The following AGRP variants were observed in gnomAD, a reference collection of about 807,000 sequenced individuals.
AGRP encodes agouti-related protein.
In AGRP, 8 loss-of-function variants were observed where a neutral mutation model predicts 13.6. The ratio of observed to expected loss-of-function variants is 0.59; its 90% CI spans 0.35 to 1.06. AGRP has a LOEUF of 1.06. AGRP is among the 50% of genes least tolerant of loss of function. AGRP has a pLI of 0.02. For missense variants in AGRP, 155 were observed against 174.8 expected, an observed-to-expected ratio of 0.89 and a Z score of 0.64; for synonymous variants, 63 against 72.4, an observed-to-expected ratio of 0.87 and a Z score of 0.66.
chr16:67,483,036 C>T lies in AGRP; in HGVS notation c.205G>A (p.Ala69Thr), dbSNP rs766389170. ...CCCTGAGCAGTTACCTCTGCCAAGG[C>T]CTGAGCCTCCTGCAACAGATCCTCT... ...AEEDLLQEAQ[A>T]LAEVLDLQDR... is the part of the protein sequence containing the mutation. The change falls in exon 3 of 4, where the codon GCC becomes ACC. Residue 69 changes from alanine to threonine, a missense_variant. Coordinates refer to ENST00000290953, the MANE Select transcript of AGRP (RefSeq NM_001138.2). 9 of 1,614,198 alleles carry T rather than the reference C, an allele frequency of 5.6e-6. No homozygotes were observed. The highest frequency in any genetic ancestry group is 7.6e-6 in the Non-Finnish European group (9 of 1,180,016).
At chr16:67,482,940 A>T in intron 3 of AGRP, 85 bp downstream of exon 3, 2 of 1,566,980 alleles carry the variant, frequency 1.3e-6, no homozygotes, top group South Asian at 2.2e-5. Context: ...GTCGCTGGTG[A>T]GGGAGTTTGG....
In AGRP at chr16:67,483,294, G is replaced by A; in HGVS notation, c.105C>T (p.Asp35=). 3.1e-6 allele frequency: 5 copies of A among 1,588,832 alleles called. No individual in the cohort carries two copies. The highest frequency in any genetic ancestry group is 4.3e-6 in the Non-Finnish European group (5 of 1,168,668). The part of the protein sequence containing the change: ...LAPMEGIRRP[D]QALLPELPGL... ...CTGGGAGCTCTGGGAGCAGGGCCTG[G>A]TCAGGCCTTCTGATGCCCTCCATGG... is the stretch of plus-strand genomic sequence containing the variant. The change falls in exon 2 of 4, where the codon GAC becomes GAT. Residue 35 remains aspartate, a synonymous_variant. Coordinates refer to ENST00000290953, the MANE Select transcript of AGRP (RefSeq NM_001138.2).
intron 3 of AGRP, 87 bp from the exon 4 acceptor site, chr16:67,482,905 A>G: frequency 6.3e-7 from 1 of 1,579,212 alleles, no homozygotes; most frequent in East Asian, 2.2e-5. Context: ...GCAGTGGAGC[A>G]TGGGAAGGGG....
rs36120466 is a variant in AGRP at position 67,483,141 on chromosome 16, C to G, written c.131-31G>C. The G allele has an allele frequency of 5.2e-3, 8,312 of 1,612,724 alleles. 409 individuals carry two copies. In the African/African-American group the frequency reaches 0.1, roughly 19 times the overall value. ...GCAGAGGATGTGAGGGCAGGAACCC[C>G]CATGCACAAAGCACCCACCTCCCAG... On this transcript the variant is annotated intron_variant, in intron 2 of 3. Coordinates refer to ENST00000290953, the MANE Select transcript of AGRP (RefSeq NM_001138.2).
In AGRP at chr16:67,482,727, T is replaced by TA; in HGVS notation, c.307_308insT (p.Asp103ValfsTer40). 1 of 1,614,066 alleles carries TA rather than the reference T, an allele frequency of 6.2e-7. No individual in the cohort carries two copies. Reference sequence around the variant, plus strand: ...GCGGCAGTAGCACGTGGCACATGGGTCACAGCAAGGCACCTGCTGTCCCAG... The same window carrying TA: ...GCGGCAGTAGCACGTGGCACATGGGTACACAGCAAGGCACCTGCTGTCCCAG... On this transcript the variant is annotated frameshift_variant, in exon 4 of 4. Transcript: ENST00000290953. LOFTEE classifies it high-confidence loss of function.
In AGRP at chr16:67,482,828, T is replaced by G. The variant is rs1597589913; in HGVS notation, c.217-10A>C. ...CCTGCAGGTCTAGTACCTGCAGGGG[T>G]GGGGAACCAGCACAGGCCTCTAAAG... On this transcript the variant is annotated splice_polypyrimidine_tract_variant and intron_variant, in intron 3 of 3. Coordinates refer to ENST00000290953, the MANE Select transcript of AGRP (RefSeq NM_001138.2). The G allele has an allele frequency of 1.2e-6, 2 of 1,613,196 alleles. No homozygotes were observed. The highest frequency in any genetic ancestry group is 1.7e-6 in the Non-Finnish European group (2 of 1,179,736).
intron 3 of AGRP, 80 bp from the exon 4 acceptor site, chr16:67,482,898 G>T: frequency 6.3e-7 from 1 of 1,582,460 alleles, no homozygotes; most frequent in Non-Finnish European, 8.7e-7. Context: ...CAGGATGGCA[G>T]TGGAGCATGG....
rs756846323 is a variant in AGRP, at chr16:67,483,293, G to T, written c.106C>A (p.Gln36Lys). 6.3e-7 allele frequency: 1 copy of T among 1,588,614 alleles called. No homozygotes were observed. The highest frequency in any genetic ancestry group is 1.1e-5 in the South Asian group (1 of 87,148). ...CCTGGGAGCTCTGGGAGCAGGGCCT[G>T]GTCAGGCCTTCTGATGCCCTCCATG... ...APMEGIRRPD[Q>K]ALLPELPGLG... The change falls in exon 2 of 4, where the codon CAG becomes AAG. Residue 36 changes from glutamine to lysine, a missense_variant. By Grantham distance (53) the Gln-to-Lys change is moderately conservative. Transcript: ENST00000290953.
intron 1 of AGRP, 37 bp from the exon 2 acceptor site, chr16:67,483,438 T>C: frequency 6.8e-7 from 1 of 1,479,014 alleles, no homozygotes. Context: ...TAGTCCCTCC[T>C]TATCCTTGGA....
At position 67,483,297 on chromosome 16, in the gene AGRP, A is replaced by G; in HGVS notation, c.102T>C (p.Pro34=). ...GGAGCTCTGGGAGCAGGGCCTGGTC[A>G]GGCCTTCTGATGCCCTCCATGGGGG... is the stretch of plus-strand genomic sequence containing the variant. The part of the protein sequence containing the change: ...GLAPMEGIRR[P]DQALLPELPG... Residue 34 remains proline (P), a synonymous_variant, in exon 2 of 4, where the codon CCT becomes CCC. Transcript: ENST00000290953. The G allele has an allele frequency of 6.3e-7, 1 of 1,588,052 alleles. No individual in the cohort carries two copies. The highest frequency in any genetic ancestry group is 2.2e-5 in the East Asian group (1 of 44,604).
In AGRP at chr16:67,483,281, G is replaced by C. The variant is rs1055897200; in HGVS notation, c.118C>G (p.Pro40Ala). ...TGCTCACACTGACCTGGGAGCTCTG[G>C]GAGCAGGGCCTGGTCAGGCCTTCTG... ...GIRRPDQALL[P>A]ELPGLGLRAP... is the part of the protein sequence containing the mutation. Residue 40 changes from proline (P) to alanine (A), a missense_variant, in exon 2 of 4, where the codon CCA (proline) becomes GCA (alanine). Physicochemically the swap from Pro to Ala is conservative, Grantham distance 27. Coordinates refer to ENST00000290953, the MANE Select transcript of AGRP (RefSeq NM_001138.2). The C allele has an allele frequency of 7.6e-6, 12 of 1,587,568 alleles. No homozygotes were observed. In the African/African-American group the frequency reaches 1.5e-4, roughly 20 times the overall value.
chr16:67,483,084 T>G lies in AGRP; in HGVS notation c.157A>C (p.Lys53Gln). 1 of 1,614,132 alleles carries G rather than the reference T, an allele frequency of 6.2e-7. No individual in the cohort carries two copies. Among genetic ancestry groups the G allele is most frequent in the Admixed American group, 1.7e-5 (1 of 60,028 alleles). Residue 53 changes from lysine (K) to glutamine (Q), a missense_variant, in exon 3 of 4, where the codon AAG becomes CAG. Coordinates refer to ENST00000290953, the MANE Select transcript of AGRP (RefSeq NM_001138.2). Reference sequence around the variant, plus strand: ...TCTTCTGCCTGTTCTGCAGTTGTCTTCTTCAGTGGGGCCCGCAGGCCCAGG... The same window carrying G: ...TCTTCTGCCTGTTCTGCAGTTGTCTGCTTCAGTGGGGCCCGCAGGCCCAGG... The part of the protein sequence containing the change: ...PGLGLRAPLK[K>Q]TTAEQAEEDL...
chr16:67,483,011 C>A lies in AGRP; in HGVS notation c.216+14G>T, dbSNP rs1200107553. 2.5e-6 allele frequency: 4 copies of A among 1,613,518 alleles called. No homozygotes were observed. The highest frequency in any genetic ancestry group is 3.4e-6 in the Non-Finnish European group (4 of 1,179,532). On this transcript the variant is annotated intron_variant, in intron 3 of 3. Coordinates refer to ENST00000290953, the MANE Select transcript of AGRP (RefSeq NM_001138.2). ...CCAAGGGCCACCACCTTACCCTTTTCCCTGAGCAGTTACCTCTGCCAAGGC... is the reference window on the plus strand; with the variant it reads ...CCAAGGGCCACCACCTTACCCTTTTACCTGAGCAGTTACCTCTGCCAAGGC...
Position 67,483,329 on chromosome 16 carries a change from C to G in AGRP, c.70G>C (p.Gly24Arg), listed in dbSNP as rs1321288962. The G allele has an allele frequency of 6.4e-7, 1 of 1,569,610 alleles. No individual in the cohort carries two copies. The highest frequency in any genetic ancestry group is 1.4e-5 in the African/African-American group (1 of 73,360). ...CTGATGCCCTCCATGGGGGCCAAGC[C>G]CATCTGGGCTCCTCGCGTGGCAGGC... ...ALPATRGAQM[G>R]LAPMEGIRRP... The change falls in exon 2 of 4, where the codon GGC becomes CGC. Residue 24 changes from glycine (G) to arginine (R), a missense_variant. Physicochemically the swap from Gly to Arg is moderately radical, Grantham distance 125. Transcript: ENST00000290953.
rs369204707 is a variant in AGRP, at chr16:67,483,390, G to A, written c.9C>T (p.Thr3=). The change falls in exon 2 of 4, where the codon ACC becomes ACT. Residue 3 remains threonine (T), a synonymous_variant. Transcript: ENST00000290953. Reference sequence around the variant, plus strand: ...GCAGGGCACAGCTCAGCACCGCTGCGGTCAGCATGGCCTGGCTCAGCAGGA... The same window carrying A: ...GCAGGGCACAGCTCAGCACCGCTGCAGTCAGCATGGCCTGGCTCAGCAGGA... ML[T]AAVLSCALLL... The A allele has an allele frequency of 3.0e-5, 45 of 1,513,734 alleles. No individual in the cohort carries two copies. Among genetic ancestry groups the A allele is most frequent in the Admixed American group, 4.5e-5 (2 of 44,806 alleles). 93.8% of individuals were successfully genotyped at this position (1,513,734 alleles called of 1,614,324 possible). A position where few individuals can be genotyped will look rare whatever the true frequency, so the allele number is the denominator to read the frequency against.
chr16:67,483,057 C>G lies in AGRP; in HGVS notation c.184G>C (p.Asp62His), dbSNP rs752295493. 1 of 1,614,212 alleles carries G rather than the reference C, an allele frequency of 6.2e-7. No individual in the cohort carries two copies. The highest frequency in any genetic ancestry group is 1.3e-5 in the African/African-American group (1 of 75,062). Residue 62 changes from aspartate (D) to histidine (H), a missense_variant, in exon 3 of 4, where the codon GAT becomes CAT. Coordinates refer to ENST00000290953, the MANE Select transcript of AGRP (RefSeq NM_001138.2). Reference protein sequence around the residue: ...KKTTAEQAEEDLLQEAQALAE... With the variant: ...KKTTAEQAEEHLLQEAQALAE... Reference sequence around the variant, plus strand: ...AAGGCCTGAGCCTCCTGCAACAGATCCTCTTCTGCCTGTTCTGCAGTTGTC... The same window carrying G: ...AAGGCCTGAGCCTCCTGCAACAGATGCTCTTCTGCCTGTTCTGCAGTTGTC...
chr16:67,483,157 C>T, intron 2 of AGRP, 47 bp from the exon 3 acceptor site: 1 of 1,610,970 alleles, frequency 6.2e-7, no homozygotes, highest in Non-Finnish European at 8.5e-7. Flanking sequence ...ACAAAGCACC[C>T]ACCTCCCAGG....
intron 3 of AGRP, 29 bp downstream of exon 3, chr16:67,482,996 C>G (rs1183875461): frequency 6.2e-6 from 10 of 1,610,018 alleles, no homozygotes; most frequent in Non-Finnish European, 8.5e-6. Flanking sequence ...CCAAGGGCCA[C>G]CACCTTACCC....
chr16:67,483,451 C>T, intron 1 of AGRP, 50 bp from the exon 2 acceptor site: 3 of 1,456,896 alleles, frequency 2.1e-6, no homozygotes, highest in Non-Finnish European at 9.1e-7. Flanking sequence ...TCCTTGGAGT[C>T]CCCTCTAGGT....
Sources: gnomAD v4.1 joint callset for allele counts on GRCh38, gnomAD v4.1.1 for gene constraint, MANE v1.5 for transcripts, NCBI Gene and HGNC (gene_info 2026-07-23, HGNC 2026-07-21) for gene names.